MGAM: variants seen among roughly 807,000 people sequenced by gnomAD.
MGAM encodes the protein maltase-glucoamylase.
MGAM carries 253 observed loss-of-function variants against 358.8 expected under a neutral mutation model. The ratio of observed to expected loss-of-function variants is 0.71; its 90% CI spans 0.64 to 0.78. MGAM has a LOEUF of 0.78. MGAM is among the 30% of genes least tolerant of loss of function. The pLI is 0.00. For synonymous variants in MGAM, 1,105 were observed against 1,227.1 expected (o/e 0.90, Z 2.08); for missense variants, 3,080 against 3,432.6 (o/e 0.90, Z 2.57).
chr7:142,047,803 T>A lies in MGAM; in HGVS notation c.2517T>A (p.Gly839=), dbSNP rs1026782273. The A allele has an allele frequency of 6.2e-7, 1 of 1,612,730 alleles. No homozygotes were observed. Among genetic ancestry groups the A allele is most frequent in the South Asian group, 1.1e-5 (1 of 91,064 alleles). ...TTLASRKNPL[G]LIIALDENKE... ...CCCACAGTCGAAAGAACCCTCTTGG[T>A]CTTATCATTGCCCTAGATGAGAACA... is the stretch of plus-strand genomic sequence containing the variant. Residue 839 remains glycine, a synonymous_variant, in exon 22 of 71, where the codon GGT becomes GGA. Coordinates refer to ENST00000475668, the MANE Select transcript of MGAM (RefSeq NM_001365693.1).
intron 3 of MGAM, among the ~76,000 whole-genome samples, chr7:142,009,546 G>A (rs954295536): frequency 2.6e-5 from 4 of 152,112 alleles, no homozygotes; most frequent in Admixed American, 6.6e-5. Flanking sequence ...TTGTCACTGG[G>A]TATTGGTGCA....
chr7:142,022,284 G>A lies in MGAM; in HGVS notation c.727G>A (p.Gly243Arg). ...NNRVLFDSSI[G>R]PLLFADQFLQ... is the part of the protein sequence containing the mutation. The stretch of plus-strand genomic sequence containing the variant: ...TGTGTCTAGGTTTGACTCGAGCATT[G>A]GGCCCCTACTGTTTGCTGACCAGTT... Residue 243 changes from glycine to arginine, a missense_variant, in exon 7 of 71, where the codon GGG becomes AGG. Coordinates refer to ENST00000475668, the MANE Select transcript of MGAM (RefSeq NM_001365693.1). 1 of 1,609,492 alleles carries A rather than the reference G, an allele frequency of 6.2e-7. No homozygotes were observed. Among genetic ancestry groups the A allele is most frequent in the Non-Finnish European group, 8.5e-7 (1 of 1,177,396 alleles).
upstream of MGAM, among the ~76,000 whole-genome samples, chr7:141,991,925 G>A (rs748862860): frequency 3.3e-5 from 5 of 152,144 alleles, no homozygotes; most frequent in African/African-American, 1.2e-4. Context: ...CCAGGGACTT[G>A]GAGCTAAGCC....
chr7:142,071,069 G>T lies in MGAM; in HGVS notation c.5137G>T (p.Gly1713Trp). Residue 1713 changes from glycine to tryptophan, a missense_variant, in exon 44 of 71, where the codon GGG (glycine) becomes TGG (tryptophan). By Grantham distance (184) the Gly-to-Trp change is radical. Transcript: ENST00000475668. ...PLDHINLHVR[G>W]GYILPWQEPA... ...TGACCACATTAATCTTCATGTCCGT[G>T]GGGGCTACATCCTGCCCTGGCAAGA... 6.4e-7 allele frequency: 1 copy of T among 1,556,298 alleles called. No individual in the cohort carries two copies. Among genetic ancestry groups the T allele is most frequent in the Non-Finnish European group, 8.8e-7 (1 of 1,132,578 alleles).
Position 142,046,032 on chromosome 7 carries a change from TATATATTATATATACATACAATATGTA to T in MGAM, c.2499-1747_2499-1721del, listed in dbSNP as rs1189511440. ...TATTATGTATACATACAATATGTAA[TATATATTATATATACATACAATATGTA>T]ATATAATATATAATATAGAAATTTA... On this transcript the variant is annotated intron_variant, in intron 21 of 70. Transcript: ENST00000475668. Among the ~76,000 whole-genome samples, 8 of 124,202 alleles carry T rather than the reference TATATATTATATATACATACAATATGTA, an allele frequency of 6.4e-5. No homozygotes were observed. The East Asian group carries it at 1.1e-3, about 17-fold the overall frequency. 81.5% of individuals were successfully genotyped at this position (124,202 alleles called of 152,430 possible). A position where few individuals can be genotyped will look rare whatever the true frequency, so the allele number is the denominator to read the frequency against.
chr7:142,032,698 C>A, intron 13 of MGAM, 127 bp from the exon 14 acceptor site: 1 of 600,208 alleles, frequency 1.7e-6, no homozygotes. Flanking sequence ...TACTCTATTC[C>A]ATTTATACAA....
chr7:142,009,303 T>G (rs947080569), intron 3 of MGAM, among the ~76,000 whole-genome samples: 3 of 152,216 alleles, frequency 2.0e-5, no homozygotes, highest in Non-Finnish European at 4.4e-5. Flanking sequence ...GAAGTCCACC[T>G]GATTATGATG....
In MGAM at chr7:142,031,745, G is replaced by C; in HGVS notation, c.1536G>C (p.Lys512Asn). 1.2e-6 allele frequency: 2 copies of C among 1,613,438 alleles called. No homozygotes were observed. Among genetic ancestry groups the C allele is most frequent in the Non-Finnish European group, 1.7e-6 (2 of 1,179,502 alleles). ...CCAACTGTGCTGTTTGGTGGACAAA[G>C]GAATTTGAGCTTTTTCACAATCAAG... is the stretch of plus-strand genomic sequence containing the variant. ...TNPNCAVWWTKEFELFHNQVE... is the reference protein window; with the variant it reads ...TNPNCAVWWTNEFELFHNQVE... The change falls in exon 13 of 71, where the codon AAG becomes AAC. Residue 512 changes from lysine to asparagine, a missense_variant. Around this residue, in one of 5 missense-constraint regions of MGAM, gnomAD observed 1,816 missense variants for 1,840.5 expected, o/e 0.99. Coordinates refer to ENST00000475668, the MANE Select transcript of MGAM (RefSeq NM_001365693.1).
intron 4 of MGAM, 21 bp downstream of exon 4, chr7:142,019,340 A>T (rs782659702): frequency 2.8e-5 from 45 of 1,609,366 alleles, no homozygotes; most frequent in Non-Finnish European, 3.8e-5. Context: ...GTCTGCCATG[A>T]TGCAGGAGGT....
chr7:142,080,678 A>G lies in MGAM; in HGVS notation c.5848-113A>G, dbSNP rs1482200846. The stretch of plus-strand genomic sequence containing the variant: ...TTAAATCTCAGACATCATAAACTTA[A>G]AGAAGACAGAAACATAGCATCTGAA... On this transcript the variant is annotated intron_variant, in intron 49 of 70. Coordinates refer to ENST00000475668, the MANE Select transcript of MGAM (RefSeq NM_001365693.1). 20 of 978,808 alleles carry G rather than the reference A, an allele frequency of 2.0e-5. 1 individual carries two copies. In the African/African-American group the frequency reaches 2.5e-4, roughly 12 times the overall value. 60.6% of individuals were successfully genotyped at this position (978,808 alleles called of 1,614,324 possible).
intron 12 of MGAM, 126 bp downstream of exon 12, chr7:142,030,883 G>A (rs1807426886): frequency 1.5e-6 from 1 of 672,340 alleles, no homozygotes; most frequent in Non-Finnish European, 2.6e-6. Context: ...ATTTATATAT[G>A]CTGGGGATAA....
In MGAM at chr7:142,050,780, G is replaced by A. The variant is rs367712835; in HGVS notation, c.2721G>A (p.Thr907=). ...TTAATGAGATTAAAATTCTTGGGAC[G>A]GAGGAACCTAGCAATGTTACAGTGA... ...LAFNEIKILG[T]EEPSNVTVKH... Residue 907 remains threonine (T), a synonymous_variant, in exon 24 of 71, where the codon ACG becomes ACA. Transcript: ENST00000475668. 5.1e-5 allele frequency: 82 copies of A among 1,613,754 alleles called. No homozygotes were observed. Among genetic ancestry groups the A allele is most frequent in the East Asian group, 2.0e-4 (9 of 44,872 alleles).
chr7:142,054,121 C>G (rs1461884129), intron 26 of MGAM, among the ~76,000 whole-genome samples: 1 of 152,190 alleles, frequency 6.6e-6, no homozygotes, highest in Non-Finnish European at 1.5e-5. Flanking sequence ...TCTCAGTCTC[C>G]CAGAAACAAT....
At chr7:141,998,621 G>A (rs757154596) in intron 1 of MGAM, among the ~76,000 whole-genome samples, 3 of 152,166 alleles carry the variant, frequency 2.0e-5, no homozygotes, top group Non-Finnish European at 4.4e-5. Flanking sequence ...ATTTCATGGT[G>A]TATATGTGCC....
chr7:142,043,064 A>G (rs1159164797), intron 21 of MGAM, among the ~76,000 whole-genome samples: 1 of 74,528 alleles, frequency 1.3e-5, no homozygotes, highest in African/African-American at 7.1e-5. Flanking sequence ...TATTATATAT[A>G]CATATAATAT....
rs1554465763 is a variant in MGAM, at chr7:142,036,225, G to A, written c.2016G>A (p.Arg672=). ...ACACCCCTGAGGAGCTCTGTAGGCG[G>A]TGGATGCAGTTGGGTGCATTTTATC... ...ALDTPEELCR[R]WMQLGAFYPF... is the part of the protein sequence containing the mutation. Residue 672 remains arginine (R), a synonymous_variant, in exon 17 of 71, where the codon CGG becomes CGA. Coordinates refer to ENST00000475668, the MANE Select transcript of MGAM (RefSeq NM_001365693.1). 3 of 1,612,470 alleles carry A rather than the reference G, an allele frequency of 1.9e-6. No individual in the cohort carries two copies. Among genetic ancestry groups the A allele is most frequent in the Non-Finnish European group, 2.5e-6 (3 of 1,179,328 alleles).
At chr7:142,097,714 G>C in intron 66 of MGAM, 65 bp downstream of exon 66, 1 of 1,495,306 alleles carries the variant, frequency 6.7e-7, no homozygotes, top group Non-Finnish European at 9.3e-7. Context: ...CTTTAGATCT[G>C]ATAGACCTTA....
At chr7:142,009,671 A>T (rs539389014) in intron 3 of MGAM, among the ~76,000 whole-genome samples, 1 of 152,186 alleles carries the variant, frequency 6.6e-6, no homozygotes, top group Non-Finnish European at 1.5e-5. Context: ...TCTACATGTC[A>T]TATCTAACTG....
At chr7:142,042,906 T>A (rs941696712) in intron 21 of MGAM, among the ~76,000 whole-genome samples, 6 of 46,038 alleles carry the variant, frequency 1.3e-4, no homozygotes, top group Non-Finnish European at 2.4e-4. Flanking sequence ...ATATAATATC[T>A]ATATTATATA....
Sources: gnomAD v4.1 joint callset for allele counts (sites outside exome capture counted in the v4.1 genomes callset) on GRCh38, gnomAD v4.1.1 for gene constraint, gnomAD v4.1.1 regional missense constraint, MANE v1.5 for transcripts, NCBI Gene and HGNC (gene_info 2026-07-23, HGNC 2026-07-21) for gene names.